The following STAG2 variants were observed in gnomAD, a reference collection of about 807,000 sequenced individuals.
The protein encoded by STAG2 is cohesin subunit SA-2.
In STAG2, 14 loss-of-function variants were observed where a neutral mutation model predicts 108.1. The ratio of observed to expected loss-of-function variants is 0.13; its 90% CI spans 0.09 to 0.20. The LOEUF (loss-of-function observed/expected upper bound fraction) is 0.20, where lower values mean the gene tolerates loss of function less well. Among genes scored for constraint, STAG2 ranks in the 10% least tolerant of loss-of-function variants. The probability of loss-of-function intolerance (pLI) is 1.00; values close to 1 mark genes in which losing one functional copy is unlikely to be tolerated. For synonymous variants in STAG2, 307 were observed against 302.7 expected, an observed-to-expected ratio of 1.01 and a Z score of -0.15; for missense variants, 440 against 940.9, an observed-to-expected ratio of 0.47 and a Z score of 6.96.
At chrX:124,065,575 T>TTGTCATTA (rs1444523169) in intron 20 of STAG2, among the ~76,000 whole-genome samples, 2 of 111,859 alleles carry the variant, frequency 1.8e-5, no homozygotes, top group Non-Finnish European at 3.8e-5. Context: ...TTTATTGTCC[T>TTGTCATTA]AGTGCATTTA....
At chrX:124,044,258 C>G (rs758921546) in intron 7 of STAG2, among the ~76,000 whole-genome samples, 1 of 110,963 alleles carries the variant, frequency 9.0e-6, no homozygotes, top group Non-Finnish European at 1.9e-5. Context: ...GTCAGCAAAC[C>G]AAGTTGCTAA....
At chrX:123,990,012 G>A (rs759669347) in intron 1 of STAG2, among the ~76,000 whole-genome samples, 1 of 112,102 alleles carries the variant, frequency 8.9e-6, no homozygotes, top group East Asian at 2.8e-4. Flanking sequence ...TTGACTGCAA[G>A]TTGTCCAGGT....
rs1286435646 is a variant in STAG2 at position 123,961,748 on chromosome X, C to T, written c.-271C>T. Reference sequence around the variant, plus strand: ...TAGAGAGGGAACAACATTCATGTGACGGGCCCCTCTGCTTCTCCCCCGCCC... The same window carrying T: ...TAGAGAGGGAACAACATTCATGTGATGGGCCCCTCTGCTTCTCCCCCGCCC... On this transcript the variant is annotated 5_prime_UTR_variant, in exon 1 of 35. In the 5' UTR this introduces an upstream ATG that the reference lacks. Transcript: ENST00000371145. 9.6e-6 allele frequency: 1 copy of T among 104,506 alleles called. No individual in the cohort carries two copies. Among genetic ancestry groups the T allele is most frequent in the Non-Finnish European group, 2.0e-5 (1 of 50,651 alleles). The allele number at this position is 104,506 out of a possible 1,213,427, so 8.6% of individuals were successfully genotyped here.
chrX:124,067,525 A>C (rs2058567610), intron 23 of STAG2, among the ~76,000 whole-genome samples: 1 of 110,808 alleles, frequency 9.0e-6, no homozygotes, highest in African/African-American at 3.3e-5. Flanking sequence ...TTGGCCTTCC[A>C]AAGTGCTGGG....
chrX:124,029,941 T>C (rs766068821), intron 4 of STAG2, among the ~76,000 whole-genome samples: 12 of 111,094 alleles, frequency 1.1e-4, no homozygotes, highest in Non-Finnish European at 2.1e-4. Context: ...TTTCACTGAT[T>C]TTTTTGATGC....
At chrX:124,044,401 A>C (rs1459614848) in intron 7 of STAG2, among the ~76,000 whole-genome samples, 1 of 112,131 alleles carries the variant, frequency 8.9e-6, no homozygotes, top group Non-Finnish European at 1.9e-5. Context: ...ACATGACTTC[A>C]GATTTTAAAA....
chrX:124,020,206 G>A lies in STAG2; in HGVS notation c.-162-1161G>A, dbSNP rs10126286. Among the ~76,000 whole-genome samples, 395 of 112,215 alleles carry A rather than the reference G, an allele frequency of 3.5e-3. 1 individual carries two copies. Among genetic ancestry groups the A allele is most frequent in the African/African-American group, 0.012 (365 of 30,976 alleles). ...TTAGTATTCTCTGCTTCTCAGAGAT[G>A]ATGCATTCTTTATATTCATCACCTG... On this transcript the variant is annotated intron_variant, in intron 1 of 34. Transcript: ENST00000371145.
chrX:124,033,207 CTTA>C (rs1326469087), intron 5 of STAG2, among the ~76,000 whole-genome samples: 4 of 111,843 alleles, frequency 3.6e-5, no homozygotes, highest in African/African-American at 1.3e-4. Flanking sequence ...TAAATAATGT[CTTA>C]TTATATTGCT....
At chrX:124,061,732 ACT>A in intron 16 of STAG2, 37 bp from the exon 17 acceptor site, 1 of 994,926 alleles carries the variant, frequency 1.0e-6, no homozygotes, top group Non-Finnish European at 1.3e-6. Context: ...AAATAAGCTA[ACT>A]CTTTCTGACT....
intron 13 of STAG2, 57 bp downstream of exon 13, chrX:124,051,451 T>TA: frequency 1.0e-6 from 1 of 971,436 alleles, no homozygotes; most frequent in Non-Finnish European, 1.4e-6. Context: ...AATAATATAT[T>TA]AGAGTATTTG....
chrX:123,966,984 A>G (rs749998433), intron 1 of STAG2, among the ~76,000 whole-genome samples: 1 of 110,197 alleles, frequency 9.1e-6, no homozygotes, highest in South Asian at 3.8e-4. Context: ...TCCCGGGTTC[A>G]AGTGATTCTC....
chrX:124,070,358 T>A (rs2058634932), intron 24 of STAG2, among the ~76,000 whole-genome samples: 1 of 111,826 alleles, frequency 8.9e-6, no homozygotes, highest in African/African-American at 3.2e-5. Flanking sequence ...CTTAATAAGA[T>A]CTGCTTTGTG....
In STAG2 at chrX:124,048,174, T is replaced by C. The variant is rs182835058; in HGVS notation, c.819+669T>C. On this transcript the variant is annotated intron_variant, in intron 9 of 34. Transcript: ENST00000371145. ...AGTAGTTATCATGGTTATCTACGAATTATTGACCTGATCTTGAATTTTTTT... is the reference window on the plus strand; with the variant it reads ...AGTAGTTATCATGGTTATCTACGAACTATTGACCTGATCTTGAATTTTTTT... Among the ~76,000 whole-genome samples the C allele has an allele frequency of 4.5e-5, 5 of 111,750 alleles. No individual in the cohort carries two copies. The East Asian group carries it at 1.4e-3, about 31-fold the overall frequency.
At chrX:124,014,278 T>A (rs778084131) in intron 1 of STAG2, among the ~76,000 whole-genome samples, 1 of 112,374 alleles carries the variant, frequency 8.9e-6, no homozygotes, top group Non-Finnish European at 1.9e-5. Context: ...TGTTGTGGCC[T>A]TAGGCCTGTT....
chrX:124,032,593 C>G (rs980286353), intron 5 of STAG2, among the ~76,000 whole-genome samples: 1 of 110,834 alleles, frequency 9.0e-6, no homozygotes, highest in Non-Finnish European at 1.9e-5. Flanking sequence ...TCCCCACCCC[C>G]TACCCCCAGT....
intron 1 of STAG2, among the ~76,000 whole-genome samples, chrX:123,990,119 C>G (rs914471187): frequency 9.0e-6 from 1 of 111,691 alleles, no homozygotes; most frequent in Non-Finnish European, 1.9e-5. Context: ...TGAAAGTACA[C>G]TCCACAGAGT....
Position 124,057,990 on chromosome X carries a change from T to C in STAG2, c.1416+13T>C. ...TCTAGAAAGTGAGGTTAGTTGATAG[T>C]ATTTATTTTATACTTAGGTTCGAAA... is the stretch of plus-strand genomic sequence containing the variant. On this transcript the variant is annotated intron_variant, in intron 15 of 34. Coordinates refer to ENST00000371145, the MANE Select transcript of STAG2 (RefSeq NM_001042750.2). 9.1e-7 allele frequency: 1 copy of C among 1,103,546 alleles called. No homozygotes were observed. The highest frequency in any genetic ancestry group is 1.2e-6 in the Non-Finnish European group (1 of 819,897). 90.9% of individuals were successfully genotyped at this position (1,103,546 alleles called of 1,213,427 possible).
At chrX:124,020,521 A>G (rs1049453016) in intron 1 of STAG2, among the ~76,000 whole-genome samples, 3 of 111,227 alleles carry the variant, frequency 2.7e-5, no homozygotes, top group Admixed American at 9.6e-5. Flanking sequence ...TATGATGACA[A>G]ACTTCAGAAA....
intron 14 of STAG2, 122 bp downstream of exon 14, chrX:124,056,357 AT>A (rs1318818154): frequency 6.1e-6 from 2 of 329,213 alleles, no homozygotes; most frequent in Non-Finnish European, 9.9e-6. Flanking sequence ...TACAGATCAT[AT>A]CGAAGCTTTC....
Sources: allele counts gnomAD v4.1 joint callset (sites outside exome capture counted in the v4.1 genomes callset), GRCh38; gene constraint gnomAD v4.1.1; transcripts MANE v1.5; gene names NCBI Gene and HGNC (gene_info 2026-07-23, HGNC 2026-07-21).